CGNL1: variants seen among roughly 807,000 people sequenced by gnomAD.
CGNL1 encodes cingulin-like protein 1.
In CGNL1, 132 loss-of-function variants were observed where a neutral mutation model predicts 141.2. The observed-to-expected ratio is 0.93, with a 90% CI of 0.81 to 1.08. The LOEUF is 1.08. CGNL1 is among the 50% of genes least tolerant of loss of function. CGNL1 has a pLI of 0.00. For synonymous variants in CGNL1, 690 were observed against 622.1 expected (o/e 1.11, Z -1.63); for missense variants, 1,870 against 1,588.6 (o/e 1.18, Z -3.01).
chr15:57,432,949 T>C (rs947378024), intron 1 of CGNL1, among the ~76,000 whole-genome samples: 11 of 152,222 alleles, frequency 7.2e-5, no homozygotes, highest in African/African-American at 2.7e-4. Flanking sequence ...TTGACTGTAG[T>C]AGGAATAGCT....
intron 9 of CGNL1, 57 bp downstream of exon 9, chr15:57,517,043 G>C (rs1183961287): frequency 6.6e-7 from 1 of 1,519,960 alleles, no homozygotes; most frequent in Non-Finnish European, 9.0e-7. Flanking sequence ...TCTTTCCTGT[G>C]TAAGTGATTT....
At chr15:57,472,541 C>T (rs555877772) in intron 8 of CGNL1, among the ~76,000 whole-genome samples, 3 of 152,084 alleles carry the variant, frequency 2.0e-5, no homozygotes, top group Non-Finnish European at 2.9e-5. Context: ...AGGTGGGAGG[C>T]CCTGGGATGA....
chr15:57,528,594 T>C (rs201224079), intron 12 of CGNL1, 60 bp from the exon 13 acceptor site: 2 of 1,568,940 alleles, frequency 1.3e-6, no homozygotes, highest in Non-Finnish European at 1.7e-6. Flanking sequence ...GCACTGTCTG[T>C]GGAGGTCTCT....
chr15:57,543,509 A>G (rs1284101524), intron 14 of CGNL1, among the ~76,000 whole-genome samples, 187 bp from the exon 15 acceptor site: 7 of 152,176 alleles, frequency 4.6e-5, no homozygotes, highest in African/African-American at 1.4e-4. Flanking sequence ...CAGTATTGCA[A>G]TCATCAAGAA....
intron 4 of CGNL1, among the ~76,000 whole-genome samples, chr15:57,443,839 T>C (rs1018886621): frequency 5.9e-5 from 9 of 152,162 alleles, no homozygotes; most frequent in African/African-American, 1.4e-4. Context: ...GGAGTGCGGG[T>C]TGGAATCTCA....
At chr15:57,407,632 C>A (rs147099905) in intron 1 of CGNL1, among the ~76,000 whole-genome samples, 7 of 152,228 alleles carry the variant, frequency 4.6e-5, no homozygotes, top group Non-Finnish European at 8.8e-5. Context: ...GTGATTGTGC[C>A]ACCACACTAC....
chr15:57,444,068 C>G (rs1215335625), intron 4 of CGNL1, among the ~76,000 whole-genome samples: 1 of 152,182 alleles, frequency 6.6e-6, no homozygotes, highest in Non-Finnish European at 1.5e-5. Context: ...GCAGAACACT[C>G]CCATCACCCA....
At chr15:57,458,590 C>T (rs1413065086) in intron 7 of CGNL1, among the ~76,000 whole-genome samples, 3 of 152,096 alleles carry the variant, frequency 2.0e-5, no homozygotes, top group Admixed American at 6.6e-5. Flanking sequence ...GTCTTATCAT[C>T]CAAACAATTG....
chr15:57,453,401 T>C (rs2063343095), intron 6 of CGNL1, among the ~76,000 whole-genome samples: 1 of 152,202 alleles, frequency 6.6e-6, no homozygotes, highest in African/African-American at 2.4e-5. Context: ...CAAATTCTAG[T>C]ACCCTACCAT....
At chr15:57,543,616 C>T in intron 14 of CGNL1, 80 bp from the exon 15 acceptor site, 3 of 1,263,840 alleles carry the variant, frequency 2.4e-6, no homozygotes, top group Non-Finnish European at 3.5e-6. Context: ...GGTTGACATT[C>T]AGTTCCTTGC....
Position 57,438,748 on chromosome 15 carries a change from T to C in CGNL1, c.749T>C (p.Leu250Pro). Reference sequence around the variant, plus strand: ...AAGGAGAGGGTGGGAGAGGAGGCCCTTTTCACTAGCGGGAGGCCCCTGACT... The same window carrying C: ...AAGGAGAGGGTGGGAGAGGAGGCCCCTTTCACTAGCGGGAGGCCCCTGACT... ...CTKERVGEEA[L>P]FTSGRPLTAH... Residue 250 changes from leucine (L) to proline (P), a missense_variant, in exon 2 of 19, where the codon CTT becomes CCT. Physicochemically the swap from Leu to Pro is moderately conservative, Grantham distance 98. Coordinates refer to ENST00000281282, the MANE Select transcript of CGNL1 (RefSeq NM_032866.5). The C allele has an allele frequency of 6.2e-7, 1 of 1,614,102 alleles. No homozygotes were observed. Among genetic ancestry groups the C allele is most frequent in the Non-Finnish European group, 8.5e-7 (1 of 1,180,020 alleles).
intron 8 of CGNL1, among the ~76,000 whole-genome samples, chr15:57,470,354 C>T (rs1315631921): frequency 7.3e-6 from 1 of 137,582 alleles, no homozygotes; most frequent in Non-Finnish European, 1.5e-5. Context: ...AATAAGAGGT[C>T]TAGAGTGGTG....
At chr15:57,529,002 A>G in intron 13 of CGNL1, 187 bp downstream of exon 13, 1 of 580,050 alleles carries the variant, frequency 1.7e-6, no homozygotes, top group Non-Finnish European at 3.1e-6. Flanking sequence ...GACTCAGGAC[A>G]TCAGAGCTAG....
At chr15:57,383,479 T>C (rs921995472) in intron 1 of CGNL1, among the ~76,000 whole-genome samples, 1 of 151,954 alleles carries the variant, frequency 6.6e-6, no homozygotes, top group African/African-American at 2.4e-5. Context: ...TTTGTATTTT[T>C]AGTAGAGATG....
At chr15:57,434,781 G>C (rs1004079414) in intron 1 of CGNL1, among the ~76,000 whole-genome samples, 11 of 152,290 alleles carry the variant, frequency 7.2e-5, no homozygotes, top group Middle Eastern at 6.8e-3. Flanking sequence ...TCTATGTCCA[G>C]CTAGACCACC....
At chr15:57,435,757 C>A (rs1746395354) in intron 1 of CGNL1, among the ~76,000 whole-genome samples, 1 of 151,906 alleles carries the variant, frequency 6.6e-6, no homozygotes, top group Admixed American at 6.6e-5. Flanking sequence ...AACAGAGAGA[C>A]AAAACAAGTA....
chr15:57,379,977 TC>T (rs2062407553), intron 1 of CGNL1, among the ~76,000 whole-genome samples: 1 of 152,134 alleles, frequency 6.6e-6, no homozygotes. Flanking sequence ...CCCTCCTGCA[TC>T]CCTCAAGCCA....
intron 11 of CGNL1, 40 bp from the exon 12 acceptor site, chr15:57,524,541 G>A (rs774583481): frequency 6.4e-7 from 1 of 1,563,992 alleles, no homozygotes; most frequent in South Asian, 1.2e-5. Context: ...TGGTCTCAGA[G>A]CATCCCAGGG....
At chr15:57,470,206 T>C (rs1254586707) in intron 8 of CGNL1, among the ~76,000 whole-genome samples, 1 of 147,048 alleles carries the variant, frequency 6.8e-6, no homozygotes, top group Non-Finnish European at 1.5e-5. Context: ...TAGGCAAAAG[T>C]GAAATGGGAA....
Sources: gnomAD v4.1 joint callset for allele counts (sites outside exome capture counted in the v4.1 genomes callset) on GRCh38, gnomAD v4.1.1 for gene constraint, MANE v1.5 for transcripts, NCBI Gene and HGNC (gene_info 2026-07-23, HGNC 2026-07-21) for gene names.